Variants in CDK14 observed in about 807,000 individuals in gnomAD.
CDK14 encodes cyclin-dependent kinase 14.
CDK14 carries 34 observed loss-of-function variants against 60.7 expected under a neutral mutation model. The observed-to-expected ratio is 0.56, with a 90% confidence interval of 0.43 to 0.75. The LOEUF (loss-of-function observed/expected upper bound fraction) is 0.75. Among genes scored for constraint, CDK14 ranks in the 30% least tolerant of loss-of-function variants. The probability of loss-of-function intolerance (pLI) is 0.00; values close to 1 mark genes in which losing one functional copy is unlikely to be tolerated. For missense variants in CDK14, 482 were observed against 564.1 expected (o/e 0.85, Z 1.47); for synonymous variants, 197 against 203.7 (o/e 0.97, Z 0.28).
At chr7:90,949,960 G>A (rs1232211753) in intron 8 of CDK14, among the ~76,000 whole-genome samples, 1 of 152,192 alleles carries the variant, frequency 6.6e-6, no homozygotes, top group Non-Finnish European at 1.5e-5. Flanking sequence ...CAAATAAGAG[G>A]GAGGGAGTTG....
intron 2 of CDK14, among the ~76,000 whole-genome samples, chr7:90,675,240 C>G (rs185291954): frequency 6.6e-6 from 1 of 151,706 alleles, no homozygotes. Context: ...TTTCATTTAT[C>G]TGCATGTCTA....
intron 14 of CDK14, among the ~76,000 whole-genome samples, chr7:91,131,448 G>A (rs563825078): frequency 1.3e-5 from 2 of 152,206 alleles, no homozygotes; most frequent in East Asian, 3.9e-4. Context: ...CAGAGAAGCT[G>A]GAGATCTGGG....
At chr7:90,777,497 C>T (rs1047134757) in intron 4 of CDK14, among the ~76,000 whole-genome samples, 6 of 152,152 alleles carry the variant, frequency 3.9e-5, no homozygotes, top group South Asian at 2.1e-4. Context: ...AGAATCACTG[C>T]GGGTGTTTTT....
chr7:90,771,206 T>A (rs3779553), intron 4 of CDK14, among the ~76,000 whole-genome samples: 27,884 of 152,230 alleles, frequency 0.18, 2,676 homozygotes, highest in South Asian at 0.24. Flanking sequence ...CACAATAGTC[T>A]TTTTTACTAT....
At chr7:90,706,058 CTTGT>C (rs1187489378) in intron 2 of CDK14, among the ~76,000 whole-genome samples, 1 of 152,080 alleles carries the variant, frequency 6.6e-6, no homozygotes, top group African/African-American at 2.4e-5. Flanking sequence ...AGATGTTAGT[CTTGT>C]TTTTCTCTCT....
At chr7:91,154,665 G>A (rs1192715911) in intron 14 of CDK14, among the ~76,000 whole-genome samples, 1 of 152,084 alleles carries the variant, frequency 6.6e-6, no homozygotes, top group Non-Finnish European at 1.5e-5. Context: ...CTTAATCTTT[G>A]TGCCTTGGTT....
intron 4 of CDK14, 52 bp from the exon 5 acceptor site, chr7:90,790,521 A>G: frequency 3.4e-6 from 4 of 1,188,268 alleles, no homozygotes; most frequent in Non-Finnish European, 4.9e-6. Flanking sequence ...GACAATTAGA[A>G]CTATAATGGG....
In CDK14 at chr7:91,079,465, GA is replaced by G. The variant is rs1218394448; in HGVS notation, c.1140del (p.Arg380SerfsTer10). 1.9e-6 allele frequency: 3 copies of G among 1,601,724 alleles called. No homozygotes were observed. Among genetic ancestry groups the G allele is most frequent in the Non-Finnish European group, 2.6e-6 (3 of 1,170,180 alleles). On this transcript the variant is annotated frameshift_variant, in exon 12 of 15. Coordinates refer to ENST00000380050, the MANE Select transcript of CDK14 (RefSeq NM_001287135.2). LOFTEE classifies it high-confidence loss of function. Reference sequence around the variant, plus strand: ...ACCCTGTACAGCTCTAAAAACCTTAGACAAGCATGGAATAAGTAAGTCTTTA... The same window carrying G: ...ACCCTGTACAGCTCTAAAAACCTTAGCAAGCATGGAATAAGTAAGTCTTTA... Reference protein sequence around the residue: ...RFTLYSSKNLRQAWNKLSYVN... With the variant: ...RFTLYSSKNLXQAWNKLSYVN...
chr7:90,658,034 A>G (rs988033129), intron 2 of CDK14, among the ~76,000 whole-genome samples: 2 of 152,050 alleles, frequency 1.3e-5, no homozygotes, highest in Non-Finnish European at 2.9e-5. Flanking sequence ...CTTTTTTTAT[A>G]ATTAGGTTGA....
chr7:90,848,623 G>C (rs946148631), intron 5 of CDK14, among the ~76,000 whole-genome samples: 1 of 152,174 alleles, frequency 6.6e-6, no homozygotes, highest in Non-Finnish European at 1.5e-5. Flanking sequence ...AATTGGAGCA[G>C]CAGAGGGCTA....
At chr7:90,795,506 A>G (rs1225504508) in intron 5 of CDK14, among the ~76,000 whole-genome samples, 1 of 151,270 alleles carries the variant, frequency 6.6e-6, no homozygotes, top group Non-Finnish European at 1.5e-5. Flanking sequence ...ATTTGAAATT[A>G]TGTATGTGTA....
chr7:91,162,736 GATTAC>G (rs1177615607), intron 14 of CDK14, among the ~76,000 whole-genome samples: 2 of 152,170 alleles, frequency 1.3e-5, no homozygotes, highest in African/African-American at 4.8e-5. Flanking sequence ...TCGTTGTGAG[GATTAC>G]ATTAAATAGA....
chr7:90,806,640 C>T (rs929462274), intron 5 of CDK14, among the ~76,000 whole-genome samples: 1 of 152,196 alleles, frequency 6.6e-6, no homozygotes, highest in Non-Finnish European at 1.5e-5. Flanking sequence ...GAGTGCAGTG[C>T]ACCGAGCATG....
At chr7:90,904,594 G>C (rs1201790574) in intron 7 of CDK14, among the ~76,000 whole-genome samples, 1 of 151,844 alleles carries the variant, frequency 6.6e-6, no homozygotes, top group Non-Finnish European at 1.5e-5. Flanking sequence ...GGGAAAGAAA[G>C]TATCAAAAAA....
intron 5 of CDK14, among the ~76,000 whole-genome samples, chr7:90,860,011 A>G (rs1790952976): frequency 6.6e-6 from 1 of 152,162 alleles, no homozygotes; most frequent in South Asian, 2.1e-4. Context: ...TTTTAATGTA[A>G]TGGTAAAGAG....
At chr7:90,642,713 A>G (rs193037517) in intron 2 of CDK14, among the ~76,000 whole-genome samples, 1 of 152,056 alleles carries the variant, frequency 6.6e-6, no homozygotes, top group Admixed American at 6.6e-5. Flanking sequence ...TTGCATAGGT[A>G]TTGCCATGTT....
intron 5 of CDK14, among the ~76,000 whole-genome samples, chr7:90,812,717 C>T (rs1169692237): frequency 6.6e-6 from 1 of 152,170 alleles, no homozygotes; most frequent in Non-Finnish European, 1.5e-5. Context: ...CCACAGTGAG[C>T]TATTACTGCA....
intron 2 of CDK14, among the ~76,000 whole-genome samples, chr7:90,613,547 C>CGTG (rs1799587632): frequency 6.6e-6 from 1 of 152,014 alleles, no homozygotes; most frequent in African/African-American, 2.4e-5. Flanking sequence ...ATTAGCCAGG[C>CGTG]GTGGTGGCAG....
chr7:91,133,856 G>C (rs1800187276), intron 14 of CDK14, among the ~76,000 whole-genome samples: 1 of 152,100 alleles, frequency 6.6e-6, no homozygotes, highest in Non-Finnish European at 1.5e-5. Flanking sequence ...TGAAGAGTCA[G>C]ATACTACGCA....
Sources: allele counts gnomAD v4.1 joint callset (sites outside exome capture counted in the v4.1 genomes callset), GRCh38; gene constraint gnomAD v4.1.1; transcripts MANE v1.5; gene names NCBI Gene and HGNC (gene_info 2026-07-23, HGNC 2026-07-21).